SP140: variants seen among roughly 807,000 people sequenced by gnomAD.
SP140 encodes nuclear body protein SP140.
A neutral mutation model predicts 125.0 loss-of-function variants in SP140; 81 were observed. The ratio of observed to expected loss-of-function variants is 0.65; its 90% CI spans 0.54 to 0.78. The LOEUF is 0.78. SP140 is among the 30% of genes least tolerant of loss of function. SP140 has a pLI of 0.00. For missense variants in SP140, 858 were observed against 1,037.0 expected, an observed-to-expected ratio of 0.83 and a Z score of 2.37; for synonymous variants, 312 against 354.0, an observed-to-expected ratio of 0.88 and a Z score of 1.33.
At chr2:230,216,735 T>G in intron 3 of SP140, 1 of 1,608,408 alleles carries the variant, frequency 6.2e-7, no homozygotes, top group Non-Finnish European at 8.5e-7. Flanking sequence ...TAATCAGGCA[T>G]ATTGGTGGGG....
chr2:230,273,354 C>G (rs1276697835), intron 15 of SP140, among the ~76,000 whole-genome samples: 2 of 152,184 alleles, frequency 1.3e-5, no homozygotes, highest in Admixed American at 6.5e-5. Context: ...AGCTCAACAT[C>G]ACTGATGATT....
chr2:230,269,785 TAG>T, intron 13 of SP140, 50 bp from the exon 14 acceptor site: 1 of 1,420,258 alleles, frequency 7.0e-7, no homozygotes, highest in Non-Finnish European at 9.9e-7. Context: ...GTGCAGAAAA[TAG>T]AGTCACTGGG....
intron 11 of SP140, among the ~76,000 whole-genome samples, chr2:230,254,196 A>G (rs2050797400): frequency 6.6e-6 from 1 of 152,206 alleles, no homozygotes; most frequent in Admixed American, 6.5e-5. Flanking sequence ...GATCAAAATA[A>G]TTAAAGTACC....
exon 1 of SP140, chr2:230,203,259 G>T (rs191829725): frequency 8.6e-5 from 15 of 173,666 alleles, no homozygotes; most frequent in Admixed American, 7.6e-4. Flanking sequence ...CAGAGGAGGT[G>T]CAATGCCAGA....
At chr2:230,307,990 T>TATATATATAA in intron 22 of SP140, among the ~76,000 whole-genome samples, 1 of 52,640 alleles carries the variant, frequency 1.9e-5, no homozygotes, top group African/African-American at 7.6e-5. Context: ...TATATATATA[T>TATATATATAA]ACACACACAC....
chr2:230,220,772 G>T (rs921450481), upstream of SP140, among the ~76,000 whole-genome samples: 1 of 152,210 alleles, frequency 6.6e-6, no homozygotes, highest in African/African-American at 2.4e-5. Context: ...AGGAGGCCAA[G>T]ATGGGAGGAT....
chr2:230,191,376 A>C, the SP140 span, among the ~76,000 whole-genome samples: 1 of 152,152 alleles, frequency 6.6e-6, no homozygotes, highest in Non-Finnish European at 1.5e-5. Context: ...AAATTAACAA[A>C]ATAGATCACT....
chr2:230,249,630 G>A (rs1390608705), intron 9 of SP140, among the ~76,000 whole-genome samples: 1 of 152,106 alleles, frequency 6.6e-6, no homozygotes, highest in African/African-American at 2.4e-5. Context: ...AAAAGTTAGA[G>A]AAAATTGTAC....
chr2:230,237,216 A>G lies in SP140; in HGVS notation c.193A>G (p.Met65Val), dbSNP rs749855500. The G allele has an allele frequency of 5.0e-6, 8 of 1,612,050 alleles. No individual in the cohort carries two copies. The Middle Eastern group carries it at 8.3e-4, about 167-fold the overall frequency. Reference sequence around the variant, plus strand: ...AATAACAAGGCCATTTCCTTTCCTTATGGGCCTCCGAGACCGCTCCTTCAT... The same window carrying G: ...AATAACAAGGCCATTTCCTTTCCTTGTGGGCCTCCGAGACCGCTCCTTCAT... ...SAITRPFPFL[M>V]GLRDRSFISE... The change falls in exon 2 of 27, where the codon ATG becomes GTG. Residue 65 changes from methionine (M) to valine (V), a missense_variant. Met to Val is a conservative substitution (Grantham distance 21). Coordinates refer to ENST00000392045, the MANE Select transcript of SP140 (RefSeq NM_007237.5). The surrounding 1 kb of genome is among the most constrained non-coding windows in gnomAD (Gnocchi z 5.4).
At chr2:230,281,117 G>T (rs1479210591) in intron 15 of SP140, among the ~76,000 whole-genome samples, 1 of 152,094 alleles carries the variant, frequency 6.6e-6, no homozygotes, top group Non-Finnish European at 1.5e-5. Context: ...TAAATATTCT[G>T]TCCTTTCTCT....
the SP140 span, among the ~76,000 whole-genome samples, chr2:230,186,616 G>A: frequency 6.6e-6 from 1 of 152,110 alleles, no homozygotes; most frequent in African/African-American, 2.4e-5. Flanking sequence ...TCTGAGTAGT[G>A]TACATTGTAC....
At chr2:230,282,644 C>T (rs959404291) in intron 15 of SP140, among the ~76,000 whole-genome samples, 11 of 152,242 alleles carry the variant, frequency 7.2e-5, no homozygotes, top group Middle Eastern at 3.4e-3. Flanking sequence ...CACACACACA[C>T]GTACCCACAC....
rs1003443646 is a variant in SP140, at chr2:230,248,798, C to T, written c.893-87C>T. ...GGAACAAGACAGGGGTGGCTCTCAG[C>T]ATTTGCCCATCTTGGATGGCATGAA... On this transcript the variant is annotated intron_variant, in intron 8 of 26. Transcript: ENST00000392045. 5 of 1,036,820 alleles carry T rather than the reference C, an allele frequency of 4.8e-6. No individual in the cohort carries two copies. In the African/African-American group the frequency reaches 8.0e-5, roughly 17 times the overall value. The allele number at this position is 1,036,820 out of a possible 1,614,324, so 64.2% of individuals were successfully genotyped here.
intron 1 of SP140, among the ~76,000 whole-genome samples, chr2:230,231,308 G>A (rs1411777767): frequency 6.6e-6 from 1 of 152,102 alleles, no homozygotes; most frequent in African/African-American, 2.4e-5. Context: ...TTGCCTTTTG[G>A]CATGTCTTAT....
intron 1 of SP140, among the ~76,000 whole-genome samples, chr2:230,231,044 A>T (rs904321654): frequency 6.6e-6 from 1 of 151,834 alleles, no homozygotes; most frequent in Non-Finnish European, 1.5e-5. Context: ...CTACTGATGA[A>T]CTCATCAAAG....
chr2:230,292,701 A>C lies in SP140; in HGVS notation c.1881A>C (p.Glu627Asp). 1 of 1,614,204 alleles carries C rather than the reference A, an allele frequency of 6.2e-7. No individual in the cohort carries two copies. The highest frequency in any genetic ancestry group is 2.2e-5 in the East Asian group (1 of 44,882). ...TEDGKWFTPT[E>D]FEIKGGHARS... ...ATGGAAAATGGTTCACCCCCACGGA[A>C]TTTGAAATCAAAGGAGGCCATGCAA... Residue 627 changes from glutamate (E) to aspartate (D), a missense_variant, in exon 20 of 27, where the codon GAA becomes GAC. This residue lies in a region of SP140 where 791 missense variants were observed against 869.5 expected (regional missense o/e 0.91). Coordinates refer to ENST00000392045, the MANE Select transcript of SP140 (RefSeq NM_007237.5).
downstream of SP140, among the ~76,000 whole-genome samples, chr2:230,313,464 C>T (rs1359634129): frequency 2.6e-5 from 4 of 152,180 alleles, no homozygotes; most frequent in African/African-American, 7.2e-5. Flanking sequence ...TGAGGCCAGC[C>T]CCCTTGCCTG....
chr2:230,248,531 C>A (rs903534067), intron 8 of SP140, among the ~76,000 whole-genome samples: 14 of 151,974 alleles, frequency 9.2e-5, no homozygotes, highest in African/African-American at 3.4e-4. Flanking sequence ...ATAGAGCCTG[C>A]CCTTTGGAAT....
upstream of SP140, among the ~76,000 whole-genome samples, chr2:230,223,845 A>T (rs560192683): frequency 4.6e-5 from 7 of 152,334 alleles, no homozygotes; most frequent in South Asian, 1.2e-3. Flanking sequence ...TCCAGGTAGA[A>T]TGAAAGCATT....
Sources: allele counts gnomAD v4.1 joint callset (sites outside exome capture counted in the v4.1 genomes callset), GRCh38; gene constraint gnomAD v4.1.1; regional missense constraint gnomAD v4.1.1; non-coding constraint Gnocchi (gnomAD v3.1); transcripts MANE v1.5; gene names NCBI Gene and HGNC (gene_info 2026-07-23, HGNC 2026-07-21).